CHSY3: variants seen among roughly 807,000 people sequenced by gnomAD.
CHSY3 encodes chondroitin sulfate synthase 3.
A neutral mutation model predicts 67.2 loss-of-function variants in CHSY3; 35 were observed. The observed-to-expected ratio is 0.52, with a 90% CI of 0.40 to 0.69. The LOEUF is 0.69. CHSY3 is among the 30% of genes least tolerant of loss of function. CHSY3 has a pLI of 0.00. For missense variants in CHSY3, 1,069 were observed against 1,138.5 expected (o/e 0.94, Z 0.88); for synonymous variants, 474 against 434.7 (o/e 1.09, Z -1.12).
chr5:130,165,394 TTGACA>T (rs1769715135), intron 2 of CHSY3, among the ~76,000 whole-genome samples: 1 of 152,172 alleles, frequency 6.6e-6, no homozygotes. Context: ...GGGCTAACTC[TTGACA>T]TGACATCATT....
chr5:130,182,203 C>T (rs756272465), intron 2 of CHSY3, among the ~76,000 whole-genome samples: 36 of 151,958 alleles, frequency 2.4e-4, no homozygotes, highest in African/African-American at 8.5e-4. Flanking sequence ...GGATCCATCA[C>T]GTTATCCCAT....
At chr5:130,126,054 A>G (rs1175043545) in intron 2 of CHSY3, among the ~76,000 whole-genome samples, 5 of 152,174 alleles carry the variant, frequency 3.3e-5, no homozygotes, top group Non-Finnish European at 5.9e-5. Context: ...GCCTTTTTAT[A>G]TACTTTTTTA....
intron 2 of CHSY3, among the ~76,000 whole-genome samples, chr5:130,063,167 A>G (rs1297185812): frequency 6.6e-6 from 1 of 152,130 alleles, no homozygotes; most frequent in African/African-American, 2.4e-5. Context: ...GTATGCATGT[A>G]ATCTAAGCAA....
intron 2 of CHSY3, among the ~76,000 whole-genome samples, chr5:130,061,114 A>G (rs954975093): frequency 1.3e-5 from 2 of 152,142 alleles, no homozygotes; most frequent in Non-Finnish European, 2.9e-5. Flanking sequence ...AGCAATCCTA[A>G]GCAAAAAGAA....
chr5:130,130,046 G>C (rs1377224814), intron 2 of CHSY3, among the ~76,000 whole-genome samples: 2 of 152,128 alleles, frequency 1.3e-5, no homozygotes, highest in Admixed American at 1.3e-4. Flanking sequence ...TAGGGAACTA[G>C]AAACAGATGA....
chr5:130,072,437 C>G (rs1021483921), intron 2 of CHSY3, among the ~76,000 whole-genome samples: 6 of 152,054 alleles, frequency 3.9e-5, no homozygotes, highest in African/African-American at 1.4e-4. Flanking sequence ...CATGTGTGTT[C>G]TTGGCATCCT....
chr5:129,937,650 AT>A (rs1184475410), intron 2 of CHSY3, among the ~76,000 whole-genome samples: 1 of 151,998 alleles, frequency 6.6e-6, no homozygotes, highest in Non-Finnish European at 1.5e-5. Flanking sequence ...AAAAAAAAAA[AT>A]AGTCACTTCT....
chr5:130,031,171 G>C (rs1469598771), intron 2 of CHSY3, among the ~76,000 whole-genome samples: 1 of 151,796 alleles, frequency 6.6e-6, no homozygotes, highest in Non-Finnish European at 1.5e-5. Context: ...AAAAGATGAA[G>C]ACTGGGATTC....
chr5:130,000,273 CTATAAAA>C (rs1253176970), intron 2 of CHSY3, among the ~76,000 whole-genome samples: 3 of 152,108 alleles, frequency 2.0e-5, no homozygotes, highest in African/African-American at 7.2e-5. Flanking sequence ...AAAGGCTGCA[CTATAAAA>C]ATAACACTTT....
At chr5:130,138,032 T>A (rs1768722578) in intron 2 of CHSY3, among the ~76,000 whole-genome samples, 1 of 151,986 alleles carries the variant, frequency 6.6e-6, no homozygotes, top group Admixed American at 6.6e-5. Flanking sequence ...AGAGAGAAAC[T>A]CTGTGTGTTA....
chr5:130,046,646 A>C (rs1765161134), intron 2 of CHSY3, among the ~76,000 whole-genome samples: 1 of 152,088 alleles, frequency 6.6e-6, no homozygotes, highest in African/African-American at 2.4e-5. Context: ...GAATGTGCTA[A>C]TCATCGGCAT....
chr5:130,037,204 C>T (rs563962578), intron 2 of CHSY3, among the ~76,000 whole-genome samples: 1 of 152,184 alleles, frequency 6.6e-6, no homozygotes, highest in Admixed American at 6.5e-5. Flanking sequence ...CACCTCTTGA[C>T]CTAGAAAAAA....
chr5:129,905,772 C>T, intron 1 of CHSY3, 141 bp downstream of exon 1: 2 of 1,460,996 alleles, frequency 1.4e-6, no homozygotes, highest in Middle Eastern at 2.1e-4. Context: ...GCCCGCCCTC[C>T]CCACCCCTTG....
intron 2 of CHSY3, among the ~76,000 whole-genome samples, chr5:130,014,558 G>A (rs568361989): frequency 6.6e-6 from 1 of 152,256 alleles, no homozygotes; most frequent in South Asian, 2.1e-4. Flanking sequence ...TCACTATCAT[G>A]AGAACAGCAT....
intron 2 of CHSY3, among the ~76,000 whole-genome samples, chr5:130,094,900 A>G (rs1766995822): frequency 6.6e-6 from 1 of 152,084 alleles, no homozygotes; most frequent in African/African-American, 2.4e-5. Context: ...TGAAAGTAAT[A>G]TGTTTGTATA....
At chr5:130,031,512 A>C (rs1334334980) in intron 2 of CHSY3, among the ~76,000 whole-genome samples, 1 of 152,190 alleles carries the variant, frequency 6.6e-6, no homozygotes. Context: ...CCTTGTTTAC[A>C]GTATTCCATG....
intron 2 of CHSY3, among the ~76,000 whole-genome samples, chr5:130,105,260 A>G (rs1767378034): frequency 6.6e-6 from 1 of 151,672 alleles, no homozygotes; most frequent in South Asian, 2.1e-4. Context: ...TAAGAACTTC[A>G]AAGTATTGTT....
rs149042286 is a variant in CHSY3 at position 130,126,245 on chromosome 5, C to A, written c.1087-57984C>A. On this transcript the variant is annotated intron_variant, in intron 2 of 2. Transcript: ENST00000305031. ...AATGGCCTCTGATGGGCTTATTAAC[C>A]TTACCTAAGGAAAAAAGACCAATGA... Among the ~76,000 whole-genome samples, 774 of 151,744 alleles carry A rather than the reference C, an allele frequency of 5.1e-3. 7 individuals are homozygous for A. The highest frequency in any genetic ancestry group is 0.02 in the Middle Eastern group (6 of 294).
At chr5:129,999,673 G>T (rs1034901951) in intron 2 of CHSY3, among the ~76,000 whole-genome samples, 2 of 151,962 alleles carry the variant, frequency 1.3e-5, no homozygotes, top group Non-Finnish European at 2.9e-5. Context: ...AATTATTTCA[G>T]TTTCCTGAAC....
Sources: allele counts gnomAD v4.1 joint callset (sites outside exome capture counted in the v4.1 genomes callset), GRCh38; gene constraint gnomAD v4.1.1; transcripts MANE v1.5; gene names NCBI Gene and HGNC (gene_info 2026-07-23, HGNC 2026-07-21).